The following PIGU variants were observed in gnomAD, a reference collection of about 807,000 sequenced individuals.
PIGU encodes phosphatidylinositol glycan anchor biosynthesis class U, also known as GPI-anchor transamidase component PIGU.
In PIGU, 24 loss-of-function variants were observed where a neutral mutation model predicts 49.9. The observed-to-expected ratio is 0.48, with a 90% CI of 0.35 to 0.68. PIGU has a LOEUF of 0.68. Among genes scored for constraint, PIGU ranks in the 30% least tolerant of loss-of-function variants. The pLI is 0.01. For missense variants in PIGU, 490 were observed against 532.6 expected (o/e 0.92, Z 0.79); for synonymous variants, 220 against 205.7 (o/e 1.07, Z -0.59).
intron 8 of PIGU, 116 bp from the exon 9 acceptor site, chr20:34,585,696 C>G: frequency 1.7e-6 from 2 of 1,182,760 alleles, no homozygotes; most frequent in Non-Finnish European, 2.4e-6. Context: ...ACGACTTTCT[C>G]CCTAGAGAGA....
chr20:34,659,104 C>A (rs370735707), intron 1 of PIGU, among the ~76,000 whole-genome samples: 1 of 138,368 alleles, frequency 7.2e-6, no homozygotes, highest in African/African-American at 2.7e-5. Flanking sequence ...CCCGGCCAGC[C>A]GCCCCGTCCG....
In PIGU at chr20:34,649,950, G is replaced by C. The variant is rs907701454; in HGVS notation, c.196-4616C>G. 2.7e-5 allele frequency among the ~76,000 whole-genome samples: 4 copies of C among 149,560 alleles called. No individual in the cohort carries two copies. The East Asian group carries it at 8.0e-4, about 30-fold the overall frequency. Reference sequence around the variant, plus strand: ...TGCAAGCTCCGCCTCCCAGGTTCACGCCATTCTCCTGCCTCAGCCTCCCAA... The same window carrying C: ...TGCAAGCTCCGCCTCCCAGGTTCACCCCATTCTCCTGCCTCAGCCTCCCAA... On this transcript the variant is annotated intron_variant, in intron 2 of 11. Transcript: ENST00000217446.
rs777150790 is a variant in PIGU, at chr20:34,677,076, G to C, written c.10C>G (p.Pro4Ala). 5.8e-6 allele frequency: 9 copies of C among 1,562,808 alleles called. No homozygotes were observed. In the African/African-American group the frequency reaches 9.5e-5, roughly 16 times the overall value. Residue 4 changes from proline to alanine, a missense_variant, in exon 1 of 12, where the codon CCC becomes GCC. Transcript: ENST00000217446. ...GCCACCACCAGCACCAGGACCAAGG[G>C]AGCCGCCATGATAACTGGGGCGGGC... MAA[P>A]LVLVLVVAVT...
rs114732048 is a variant in PIGU, at chr20:34,619,517, G to A, written c.530-3378C>T. Reference sequence around the variant, plus strand: ...CTCTACGGATTGAAAGCAGGCGAGAGAAGAGGCCCATGTGTCTGTTACTAG... The same window carrying A: ...CTCTACGGATTGAAAGCAGGCGAGAAAAGAGGCCCATGTGTCTGTTACTAG... On this transcript the variant is annotated intron_variant, in intron 6 of 11. Transcript: ENST00000217446. Among the ~76,000 whole-genome samples, 1,069 of 152,306 alleles carry A rather than the reference G, an allele frequency of 7.0e-3. 14 individuals carry two copies. The highest frequency in any genetic ancestry group is 0.024 in the African/African-American group (1,012 of 41,558).
chr20:34,568,165 G>A (rs2146692715), intron 11 of PIGU, among the ~76,000 whole-genome samples: 1 of 152,300 alleles, frequency 6.6e-6, no homozygotes, highest in East Asian at 1.9e-4. Context: ...GGACAGACAG[G>A]GCTGGAGTCG....
intron 9 of PIGU, among the ~76,000 whole-genome samples, chr20:34,583,100 T>G (rs1424164710): frequency 6.6e-6 from 1 of 152,272 alleles, no homozygotes; most frequent in Non-Finnish European, 1.5e-5. Context: ...ATCTGAGATG[T>G]GCAGACAAAC....
intron 11 of PIGU, among the ~76,000 whole-genome samples, chr20:34,568,396 C>A (rs1263149055): frequency 6.6e-6 from 1 of 152,212 alleles, no homozygotes; most frequent in Non-Finnish European, 1.5e-5. Context: ...ACACGCACAT[C>A]CAGCAGGATG....
chr20:34,632,271 G>T (rs993997251), intron 6 of PIGU, among the ~76,000 whole-genome samples: 3 of 152,034 alleles, frequency 2.0e-5, no homozygotes, highest in African/African-American at 7.2e-5. Flanking sequence ...AGTTATTCGA[G>T]TCTAAAATTC....
At chr20:34,653,919 A>G (rs994867909) in intron 2 of PIGU, among the ~76,000 whole-genome samples, 7 of 151,534 alleles carry the variant, frequency 4.6e-5, no homozygotes, top group South Asian at 2.1e-4. Flanking sequence ...GTGCAGTGGC[A>G]CCATCTCGGC....
chr20:34,624,912 G>A (rs1183888544), intron 6 of PIGU, among the ~76,000 whole-genome samples: 1 of 152,174 alleles, frequency 6.6e-6, no homozygotes, highest in Non-Finnish European at 1.5e-5. Flanking sequence ...CAAGCAGCAA[G>A]AGTCAAGGGG....
At chr20:34,565,227 T>C (rs1279191207) in intron 11 of PIGU, among the ~76,000 whole-genome samples, 2 of 151,760 alleles carry the variant, frequency 1.3e-5, no homozygotes, top group Non-Finnish European at 2.9e-5. Context: ...ATGACAGTAA[T>C]AGGCTCTAGC....
At chr20:34,591,711 T>C (rs1983996063) in intron 7 of PIGU, among the ~76,000 whole-genome samples, 1 of 152,242 alleles carries the variant, frequency 6.6e-6, no homozygotes, top group Non-Finnish European at 1.5e-5. Context: ...TTTTCAAGTA[T>C]ACAATATATT....
chr20:34,571,446 G>T (rs1983009798), intron 11 of PIGU, among the ~76,000 whole-genome samples: 1 of 152,126 alleles, frequency 6.6e-6, no homozygotes, highest in Non-Finnish European at 1.5e-5. Context: ...TCTATATTCA[G>T]CTCTTGATTT....
chr20:34,652,881 A>G (rs1465610769), intron 2 of PIGU, among the ~76,000 whole-genome samples: 1 of 151,748 alleles, frequency 6.6e-6, no homozygotes, highest in African/African-American at 2.4e-5. Flanking sequence ...AATGTGGTCT[A>G]TCTTGCAAAT....
chr20:34,645,783 A>G (rs906103149), intron 2 of PIGU, among the ~76,000 whole-genome samples: 30 of 151,988 alleles, frequency 2.0e-4, no homozygotes, highest in African/African-American at 6.8e-4. Flanking sequence ...TGTAGTCCCA[A>G]CTACTAGGGA....
chr20:34,564,531 T>G (rs1046776249), intron 11 of PIGU, among the ~76,000 whole-genome samples: 20 of 152,168 alleles, frequency 1.3e-4, no homozygotes, highest in African/African-American at 4.8e-4. Flanking sequence ...AATGACCTAT[T>G]GTTGTATGTA....
At chr20:34,602,207 G>A (rs981866639) in intron 7 of PIGU, among the ~76,000 whole-genome samples, 6 of 151,706 alleles carry the variant, frequency 4.0e-5, no homozygotes, top group African/African-American at 7.3e-5. Flanking sequence ...GCTTGAACCC[G>A]GGAGGCAGAG....
intron 2 of PIGU, among the ~76,000 whole-genome samples, chr20:34,651,805 A>G (rs1986547984): frequency 6.6e-6 from 1 of 152,106 alleles, no homozygotes; most frequent in Admixed American, 6.6e-5. Context: ...TCAGATTCGC[A>G]TTTAAATCCA....
intron 1 of PIGU, among the ~76,000 whole-genome samples, 153 bp downstream of exon 1, chr20:34,676,803 G>A (rs1020174763): frequency 1.6e-5 from 1 of 61,138 alleles, no homozygotes; most frequent in Non-Finnish European, 3.3e-5. Flanking sequence ...CACCAGCCCC[G>A]CCCTCAGGCC....
Sources: gnomAD v4.1 joint callset for allele counts (sites outside exome capture counted in the v4.1 genomes callset) on GRCh38, gnomAD v4.1.1 for gene constraint, MANE v1.5 for transcripts, NCBI Gene and HGNC (gene_info 2026-07-23, HGNC 2026-07-21) for gene names.